CNTN1: variants seen among roughly 807,000 people sequenced by gnomAD.
The protein encoded by CNTN1 is contactin-1.
A neutral mutation model predicts 126.4 loss-of-function variants in CNTN1; 38 were observed. The ratio of observed to expected loss-of-function variants is 0.30; its 90% confidence interval spans 0.23 to 0.39. CNTN1 has a LOEUF of 0.39. Among genes scored for constraint, CNTN1 ranks in the 10% least tolerant of loss-of-function variants. The probability of loss-of-function intolerance (pLI) is 1.00; values close to 1 mark genes in which losing one functional copy is unlikely to be tolerated. For missense variants in CNTN1, 1,009 were observed against 1,248.4 expected, an observed-to-expected ratio of 0.81 and a Z score of 2.89; for synonymous variants, 413 against 422.6, an observed-to-expected ratio of 0.98 and a Z score of 0.28.
At chr12:40,831,006 G>A (rs917394737) in intron 1 of CNTN1, among the ~76,000 whole-genome samples, 3 of 131,944 alleles carry the variant, frequency 2.3e-5, no homozygotes, top group African/African-American at 8.5e-5. Context: ...TATACTATAA[G>A]TTAATATATA....
intron 1 of CNTN1, among the ~76,000 whole-genome samples, chr12:40,752,686 A>G (rs1938449760): frequency 6.6e-6 from 1 of 152,078 alleles, no homozygotes; most frequent in Non-Finnish European, 1.5e-5. Flanking sequence ...AATTTTGATG[A>G]TTATTACTTA....
At chr12:40,791,109 T>C (rs1384399569) in intron 1 of CNTN1, among the ~76,000 whole-genome samples, 1 of 152,146 alleles carries the variant, frequency 6.6e-6, no homozygotes, top group African/African-American at 2.4e-5. Context: ...AACTACCCTT[T>C]TTAAGTGCTC....
At chr12:40,774,723 T>C (rs543043208) in intron 1 of CNTN1, among the ~76,000 whole-genome samples, 1 of 151,684 alleles carries the variant, frequency 6.6e-6, no homozygotes, top group East Asian at 1.9e-4. Context: ...CTTCTTGCAC[T>C]AAGAGAACAT....
At chr12:40,920,359 C>T (rs1945392786) in intron 4 of CNTN1, among the ~76,000 whole-genome samples, 1 of 151,800 alleles carries the variant, frequency 6.6e-6, no homozygotes, top group African/African-American at 2.4e-5. Flanking sequence ...CAGTAAGTCA[C>T]CAACTGCCTC....
chr12:40,881,094 G>A (rs532051979), intron 1 of CNTN1, among the ~76,000 whole-genome samples: 1 of 151,940 alleles, frequency 6.6e-6, no homozygotes, highest in African/African-American at 2.4e-5. Flanking sequence ...TAGAATCTAT[G>A]TGCTCCCACA....
At chr12:40,805,336 C>A (rs966948302) in intron 1 of CNTN1, among the ~76,000 whole-genome samples, 6 of 151,952 alleles carry the variant, frequency 3.9e-5, no homozygotes, top group African/African-American at 9.7e-5. Flanking sequence ...GGAAGCTCTG[C>A]ACTATGTTTT....
chr12:41,008,554 C>A (rs1948562427), intron 17 of CNTN1, among the ~76,000 whole-genome samples: 1 of 152,160 alleles, frequency 6.6e-6, no homozygotes. Flanking sequence ...TTAACCCTAG[C>A]TAAATCTTTC....
chr12:41,034,910 ATTAACATAACTCC>A (rs1949222772), intron 23 of CNTN1, among the ~76,000 whole-genome samples: 1 of 152,210 alleles, frequency 6.6e-6, no homozygotes, highest in Non-Finnish European at 1.5e-5. Flanking sequence ...CTTGATGATT[ATTAACATAACTCC>A]TGCAGTGACT....
rs1565715889 is a variant in CNTN1, at chr12:40,773,678, TATATATATATATATACAC to T, written c.-77+81102_-77+81119del. On this transcript the variant is annotated intron_variant, in intron 1 of 23. Coordinates refer to ENST00000551295, the MANE Select transcript of CNTN1 (RefSeq NM_001843.4). ...ATACACATATATATATATATACACA[TATATATATATATATACAC>T]ATATATATATATATATATACACATA... Among the ~76,000 whole-genome samples, 14 of 8,876 alleles carry T rather than the reference TATATATATATATATACAC, an allele frequency of 1.6e-3. No individual in the cohort carries two copies. The South Asian group carries it at 0.017, about 11-fold the overall frequency. 5.8% of individuals were successfully genotyped at this position (8,876 alleles called of 152,430 possible).
chr12:40,797,156 G>A (rs145004710), intron 1 of CNTN1, among the ~76,000 whole-genome samples: 17 of 152,040 alleles, frequency 1.1e-4, no homozygotes, highest in African/African-American at 4.1e-4. Flanking sequence ...AGATATGAGG[G>A]TAAGTGAGAC....
chr12:40,877,229 C>T (rs1943698177), intron 1 of CNTN1, among the ~76,000 whole-genome samples: 1 of 152,162 alleles, frequency 6.6e-6, no homozygotes, highest in African/African-American at 2.4e-5. Context: ...CAGTTTTCCA[C>T]AGAAAAGTTT....
rs1240607053 is a variant in CNTN1, at chr12:40,707,785, A to G, written c.-77+15193A>G. On this transcript the variant is annotated intron_variant, in intron 1 of 23. Transcript: ENST00000551295. ...ATATGAGGAATAAAAAATACTTTGA[A>G]GTCTTCAGTTTCTTGGGTGGCCATT... 2.6e-5 allele frequency among the ~76,000 whole-genome samples: 4 copies of G among 152,176 alleles called. No individual in the cohort carries two copies. The South Asian group carries it at 8.3e-4, about 31-fold the overall frequency.
intron 1 of CNTN1, among the ~76,000 whole-genome samples, chr12:40,749,495 T>A (rs1378739623): frequency 6.6e-6 from 1 of 152,130 alleles, no homozygotes; most frequent in African/African-American, 2.4e-5. Flanking sequence ...AGAGCCAGAA[T>A]ATAAGTATAA....
At chr12:40,754,981 G>C (rs1023343196) in intron 1 of CNTN1, among the ~76,000 whole-genome samples, 6 of 151,724 alleles carry the variant, frequency 4.0e-5, no homozygotes, top group Non-Finnish European at 2.9e-5. Context: ...TATCCCTGGA[G>C]CCCAGTCATG....
intron 1 of CNTN1, among the ~76,000 whole-genome samples, chr12:40,699,326 C>A (rs948022531): frequency 3.3e-5 from 5 of 152,028 alleles, no homozygotes; most frequent in Non-Finnish European, 4.4e-5. Flanking sequence ...ACCCTGGAAA[C>A]CAATCAATAA....
At chr12:40,994,958 G>A (rs1277833339) in intron 17 of CNTN1, among the ~76,000 whole-genome samples, 1 of 151,968 alleles carries the variant, frequency 6.6e-6, no homozygotes, top group Non-Finnish European at 1.5e-5. Flanking sequence ...CTTGCAATTA[G>A]TCATATTAAC....
At position 41,005,639 on chromosome 12, in the gene CNTN1, C is replaced by A. The variant is rs138136319; in HGVS notation, c.2114-8589C>A. 2.2e-4 allele frequency among the ~76,000 whole-genome samples: 34 copies of A among 151,966 alleles called. No homozygotes were observed. In the East Asian group the frequency reaches 6.6e-3, roughly 29 times the overall value. ...TTCTTTTTATTCTTTTTTCTCTATT[C>A]CTGTCTGACTGTCTTATTTCAGAAA... is the stretch of plus-strand genomic sequence containing the variant. On this transcript the variant is annotated intron_variant, in intron 17 of 23. Transcript: ENST00000551295.
At chr12:40,822,207 T>C (rs562015837) in intron 1 of CNTN1, among the ~76,000 whole-genome samples, 8 of 134,088 alleles carry the variant, frequency 6.0e-5, no homozygotes, top group South Asian at 2.6e-4. Flanking sequence ...TAGGCTGGAG[T>C]GCAATGGCAT....
intron 1 of CNTN1, among the ~76,000 whole-genome samples, chr12:40,824,370 TA>T (rs1416711234): frequency 1.4e-4 from 21 of 152,128 alleles, no homozygotes; most frequent in Admixed American, 1.2e-3. Flanking sequence ...CTTCCAACAC[TA>T]AGCCTTGAGA....
Sources: gnomAD v4.1 joint callset for allele counts (sites outside exome capture counted in the v4.1 genomes callset) on GRCh38, gnomAD v4.1.1 for gene constraint, MANE v1.5 for transcripts, NCBI Gene and HGNC (gene_info 2026-07-23, HGNC 2026-07-21) for gene names.